Variants in C1orf54 observed in about 807,000 individuals in gnomAD.
C1orf54 encodes the protein chromosome 1 open reading frame 54.
Under a neutral mutation model 14.7 loss-of-function variants are expected in C1orf54, and 12 were observed. That is an observed-to-expected ratio of 0.82 (90% CI 0.52 to 1.32). The LOEUF (loss-of-function observed/expected upper bound fraction) is 1.32, where lower values mean the gene tolerates loss of function less well. Among genes scored for constraint, C1orf54 ranks in the 40% most tolerant of loss-of-function variants. C1orf54 has a pLI of 0.00. For synonymous variants in C1orf54, 65 were observed against 56.3 expected, an observed-to-expected ratio of 1.16 and a Z score of -0.70; for missense variants, 163 against 162.2, an observed-to-expected ratio of 1.00 and a Z score of -0.03.
At chr1:150,271,608 C>T (rs1174106610), upstream of C1orf54, among the ~76,000 whole-genome samples, 1 of 152,252 alleles carries the variant, frequency 6.6e-6, no homozygotes, top group African/African-American at 2.4e-5. Context: ...TCTCAATTGC[C>T]TATCACACTA....
intron 1 of C1orf54, among the ~76,000 whole-genome samples, chr1:150,273,308 G>C (rs1409663417): frequency 2.6e-5 from 4 of 152,184 alleles, no homozygotes; most frequent in Non-Finnish European, 5.9e-5. Flanking sequence ...TGGAAAACTG[G>C]CTGTCTTCAG....
chr1:150,272,403 G>A (rs1560040197), upstream of C1orf54: 1 of 180,636 alleles, frequency 5.5e-6, no homozygotes, highest in East Asian at 1.5e-4. Context: ...AGGCAACTCT[G>A]GGTGGTGATG....
chr1:150,279,561 G>A, intron 4 of C1orf54, 82 bp from the exon 5 acceptor site: 1 of 1,235,390 alleles, frequency 8.1e-7, no homozygotes. Flanking sequence ...GTAAAGAGGT[G>A]GCAGTCTTTC....
At chr1:150,277,613 G>A (rs1652777973) in intron 4 of C1orf54, among the ~76,000 whole-genome samples, 1 of 151,424 alleles carries the variant, frequency 6.6e-6, no homozygotes, top group Admixed American at 6.6e-5. Flanking sequence ...AGGGTATATG[G>A]AAGGGAACAG....
chr1:150,268,871 G>T, upstream of C1orf54: 1 of 1,469,408 alleles, frequency 6.8e-7, no homozygotes, highest in Non-Finnish European at 9.3e-7. Context: ...GGAGGGGCGC[G>T]CCAGCTGGGG....
intron 4 of C1orf54, among the ~76,000 whole-genome samples, chr1:150,277,501 C>T (rs113162580): frequency 0.01 from 21 of 2,072 alleles, 1 homozygote; most frequent in Middle Eastern, 0.25. Flanking sequence ...AGACTCTATA[C>T]TAAAAAAAAA....
intron 5 of C1orf54, 45 bp downstream of exon 5, chr1:150,279,786 T>G: frequency 6.7e-7 from 1 of 1,483,872 alleles, no homozygotes; most frequent in Non-Finnish European, 9.3e-7. Context: ...TGAAATAATA[T>G]TTTTTAACTT....
Position 150,279,700 on chromosome 1 carries a change from T to C in C1orf54, c.358T>C (p.Ser120Pro), listed in dbSNP as rs781853324. 2 of 1,613,328 alleles carry C rather than the reference T, an allele frequency of 1.2e-6. No individual in the cohort carries two copies. The highest frequency in any genetic ancestry group is 2.2e-5 in the South Asian group (2 of 90,872). The change falls in exon 5 of 6, where the codon TCG becomes CCG. Residue 120 changes from serine to proline, a missense_variant. By Grantham distance (74) the Ser-to-Pro change is moderately conservative (BLOSUM62 -1). Coordinates refer to ENST00000369099, the MANE Select transcript of C1orf54 (RefSeq NM_024579.4). ...SLRSPIPLLL[S>P]CAFVQVGMYF... ...GCGAAGTCCTATTCCCCTCCTCCTG[T>C]CGTGTGCCTTTGTTCAGGTGGGGAT...
Position 150,279,663 on chromosome 1 carries a change from C to T in C1orf54, c.321C>T (p.Ala107=), listed in dbSNP as rs1437016863. The T allele has an allele frequency of 6.2e-6, 10 of 1,612,620 alleles. No homozygotes were observed. The highest frequency in any genetic ancestry group is 2.2e-5 in the South Asian group (2 of 90,742). ...AGCAGAGTCCAGATCTGAACGATGC[C>T]GTGTCCAGTTTGCGAAGTCCTATTC... The part of the protein sequence containing the change: ...TTEPSPDLND[A]VSSLRSPIPL... Residue 107 remains alanine (A), a synonymous_variant, in exon 5 of 6, where the codon GCC becomes GCT. Transcript: ENST00000369099.
intron 4 of C1orf54, among the ~76,000 whole-genome samples, chr1:150,277,836 G>A (rs1169968061): frequency 6.6e-5 from 10 of 152,156 alleles, no homozygotes; most frequent in Admixed American, 3.9e-4. Context: ...GGTGGCTCAC[G>A]ACTGTAATCT....
chr1:150,279,344 A>T (rs1205094088), intron 4 of C1orf54, among the ~76,000 whole-genome samples: 3 of 152,228 alleles, frequency 2.0e-5, no homozygotes, highest in African/African-American at 7.2e-5. Context: ...ATCTTGTCTT[A>T]TTCATATTTA....
Position 150,279,668 on chromosome 1 carries a change from CCA to C in C1orf54, c.327_328del (p.Ser110PhefsTer30), listed in dbSNP as rs781841678. The C allele has an allele frequency of 2.5e-6, 4 of 1,612,612 alleles. No homozygotes were observed. The highest frequency in any genetic ancestry group is 3.4e-6 in the Non-Finnish European group (4 of 1,179,396). On this transcript the variant is annotated frameshift_variant, in exon 5 of 6. Transcript: ENST00000369099. LOFTEE classifies it high-confidence loss of function. Reference sequence around the variant, plus strand: ...AGTCCAGATCTGAACGATGCCGTGTCCAGTTTGCGAAGTCCTATTCCCCTCCT... The same window carrying C: ...AGTCCAGATCTGAACGATGCCGTGTCGTTTGCGAAGTCCTATTCCCCTCCT...
chr1:150,271,712 C>G (rs1553851293), upstream of C1orf54, among the ~76,000 whole-genome samples: 1 of 152,224 alleles, frequency 6.6e-6, no homozygotes, highest in Non-Finnish European at 1.5e-5. Context: ...GATAAAAACT[C>G]TACACCTGTA....
chr1:150,271,591 T>G (rs1169095977), upstream of C1orf54, among the ~76,000 whole-genome samples: 1 of 152,278 alleles, frequency 6.6e-6, no homozygotes, highest in Admixed American at 6.5e-5. Flanking sequence ...TTCCCTTGCC[T>G]ATAAGCTCTC....
chr1:150,275,339 T>A (rs587689385), intron 2 of C1orf54, among the ~76,000 whole-genome samples: 211 of 18,472 alleles, frequency 0.011, no homozygotes, highest in African/African-American at 0.019. Context: ...CCCGGCCAAA[T>A]TTTTTTTTTT....
intron 4 of C1orf54, 66 bp from the exon 5 acceptor site, chr1:150,279,577 G>A: frequency 4.9e-6 from 7 of 1,423,632 alleles, no homozygotes; most frequent in Non-Finnish European, 6.7e-6. Flanking sequence ...CTTTCTGGAG[G>A]GGGACAGAGA....
intron 2 of C1orf54, among the ~76,000 whole-genome samples, chr1:150,274,912 CA>C (rs34704617): frequency 1.5e-4 from 22 of 142,888 alleles, no homozygotes; most frequent in East Asian, 2.1e-4. Flanking sequence ...GACTACGTCA[CA>C]AAAAAAAAAA....
At chr1:150,272,612 T>C (rs1228136768), upstream of C1orf54, 13 of 594,150 alleles carry the variant, frequency 2.2e-5, no homozygotes, top group Non-Finnish European at 3.9e-5. Flanking sequence ...CCCTTTTGCC[T>C]CTCAATCTGG....
intron 5 of C1orf54, 112 bp from the exon 6 acceptor site, chr1:150,280,723 G>C: frequency 1.2e-6 from 1 of 831,010 alleles, no homozygotes; most frequent in South Asian, 1.5e-5. Context: ...AGCTATCACA[G>C]AGCAATCCCA....
Sources: gnomAD v4.1 joint callset for allele counts (sites outside exome capture counted in the v4.1 genomes callset) on GRCh38, gnomAD v4.1.1 for gene constraint, MANE v1.5 for transcripts, NCBI Gene and HGNC (gene_info 2026-07-23, HGNC 2026-07-21) for gene names.